The following BANP variants were observed in gnomAD, a reference collection of about 807,000 sequenced individuals.
BANP encodes protein BANP.
A neutral mutation model predicts 68.1 loss-of-function variants in BANP; 11 were observed. That is an observed-to-expected ratio of 0.16 (90% confidence interval 0.10 to 0.27). The LOEUF (loss-of-function observed/expected upper bound fraction) is 0.27. Ranked by LOEUF, BANP falls within the 10% of genes least tolerant of loss-of-function variation. BANP has a pLI of 1.00. For missense variants in BANP, 504 were observed against 722.7 expected (o/e 0.70, Z 3.47); for synonymous variants, 329 against 303.2 (o/e 1.09, Z -0.88).
intron 8 of BANP, 87 bp from the exon 9 acceptor site, chr16:88,033,022 A>C: frequency 2.2e-6 from 3 of 1,378,158 alleles, no homozygotes; most frequent in Non-Finnish European, 2.9e-6. Context: ...GGGAGTCGAC[A>C]GTGGGGGACG....
intron 6 of BANP, among the ~76,000 whole-genome samples, chr16:88,016,184 T>C (rs2074509375): frequency 6.6e-6 from 1 of 152,156 alleles, no homozygotes; most frequent in Admixed American, 6.5e-5. Flanking sequence ...TGTGGCATGG[T>C]TTAAGGTCAG....
At chr16:87,954,798 T>G (rs1291006778) in intron 1 of BANP, among the ~76,000 whole-genome samples, 2 of 152,246 alleles carry the variant, frequency 1.3e-5, no homozygotes, top group Non-Finnish European at 2.9e-5. Flanking sequence ...TAACACCCTA[T>G]TAAAGATGAT....
chr16:88,056,503 A>G (rs1355849796), intron 11 of BANP, among the ~76,000 whole-genome samples: 2 of 149,680 alleles, frequency 1.3e-5, no homozygotes, highest in African/African-American at 5.0e-5. Context: ...TGAAATGATG[A>G]CTGAAATGTA....
intron 8 of BANP, among the ~76,000 whole-genome samples, chr16:88,030,692 G>C (rs781556052): frequency 2.6e-5 from 4 of 152,220 alleles, no homozygotes; most frequent in African/African-American, 9.6e-5. Flanking sequence ...GTGCAACAGC[G>C]TGTGAAGCCG....
chr16:87,981,748 G>A (rs2063321869), intron 3 of BANP, among the ~76,000 whole-genome samples: 1 of 152,216 alleles, frequency 6.6e-6, no homozygotes, highest in South Asian at 2.1e-4. Flanking sequence ...TTGGATGGAA[G>A]GAAAGTGAAG....
Position 87,985,699 on chromosome 16 carries a change from C to T in BANP, c.362+1440C>T, listed in dbSNP as rs193214836. Among the ~76,000 whole-genome samples the T allele has an allele frequency of 3.2e-4, 48 of 152,272 alleles. No individual in the cohort carries two copies. The East Asian group carries it at 8.1e-3, about 26-fold the overall frequency. ...TGATGATGGTTGGCTGTGAAAAAGC[C>T]GGACGTCCCACCTGGTATGTTGCGT... On this transcript the variant is annotated intron_variant, in intron 4 of 13. Coordinates refer to ENST00000682872, the MANE Select transcript of BANP (RefSeq NM_001386991.1).
rs370401928 is a variant in BANP, at chr16:88,027,901, C to G, written c.1063+251C>G. Reference sequence around the variant, plus strand: ...GGGACAGAGGGCCTGTTGGGCCTCCCGGAAGTCTTCTGGATGGGGGCAAGG... The same window carrying G: ...GGGACAGAGGGCCTGTTGGGCCTCCGGGAAGTCTTCTGGATGGGGGCAAGG... On this transcript the variant is annotated intron_variant, in intron 8 of 13. Transcript: ENST00000682872. Among the ~76,000 whole-genome samples, 182 of 152,362 alleles carry G rather than the reference C, an allele frequency of 1.2e-3. 1 individual carries two copies. The highest frequency in any genetic ancestry group is 4.3e-3 in the African/African-American group (180 of 41,594).
chr16:87,966,325 C>G (rs935185699), intron 1 of BANP, among the ~76,000 whole-genome samples: 4 of 152,156 alleles, frequency 2.6e-5, no homozygotes, highest in Non-Finnish European at 5.9e-5. Flanking sequence ...TCTGAATAGT[C>G]GTCAGAGTAA....
intron 11 of BANP, among the ~76,000 whole-genome samples, chr16:88,055,203 A>G (rs771342275): frequency 1.3e-5 from 2 of 152,122 alleles, no homozygotes; most frequent in Non-Finnish European, 2.9e-5. Context: ...AGGCTAAACA[A>G]TGTGAAATCA....
intron 4 of BANP, among the ~76,000 whole-genome samples, chr16:87,986,035 T>C (rs1323114340): frequency 1.3e-5 from 2 of 152,196 alleles, no homozygotes; most frequent in African/African-American, 4.8e-5. Context: ...AGAGTTTTTG[T>C]TGGGTGAGAC....
intron 2 of BANP, chr16:87,978,447 G>T: frequency 2.9e-6 from 1 of 349,566 alleles, no homozygotes; most frequent in Non-Finnish European, 5.8e-6. Context: ...CAGGCCTTGT[G>T]TGATGACCGG....
Position 88,048,134 on chromosome 16 carries a change from A to G in BANP, c.1311+10123A>G, listed in dbSNP as rs1567866168. On this transcript the variant is annotated intron_variant, in intron 11 of 13. Transcript: ENST00000682872. ...AGTTTTTCAATTTGGACACTGAAAT[A>G]TGAGTAGAATTTTGGTATATCATAT... Among the ~76,000 whole-genome samples, 3 of 152,374 alleles carry G rather than the reference A, an allele frequency of 2.0e-5. No individual in the cohort carries two copies. In the East Asian group the frequency reaches 5.8e-4, roughly 29 times the overall value.
intron 4 of BANP, among the ~76,000 whole-genome samples, chr16:87,999,187 C>T (rs1277801066): frequency 1.4e-5 from 2 of 139,516 alleles, no homozygotes; most frequent in Non-Finnish European, 3.1e-5. Context: ...CATGCCCGCA[C>T]GTGCGCGGCT....
At chr16:88,022,179 C>T (rs746546189) in intron 7 of BANP, among the ~76,000 whole-genome samples, 1 of 152,212 alleles carries the variant, frequency 6.6e-6, no homozygotes, top group Non-Finnish European at 1.5e-5. Context: ...CAGCAGCATT[C>T]GCCTGTTTTC....
chr16:88,058,726 TAAG>T (rs71156290), intron 11 of BANP, among the ~76,000 whole-genome samples: 41,307 of 151,948 alleles, frequency 0.27, 6,990 homozygotes, highest in Non-Finnish European at 0.4. Flanking sequence ...AGGTTGTAAT[TAAG>T]AAGCAACTCG....
At chr16:88,073,794 C>G (rs1286557835) in intron 13 of BANP, among the ~76,000 whole-genome samples, 1 of 152,244 alleles carries the variant, frequency 6.6e-6, no homozygotes, top group African/African-American at 2.4e-5. Context: ...AGTTTCTGGT[C>G]ATTTTCCGAT....
At chr16:88,061,595 G>A (rs60117049) in intron 11 of BANP, among the ~76,000 whole-genome samples, 33,904 of 152,148 alleles carry the variant, frequency 0.22, 4,201 homozygotes, top group East Asian at 0.47. Flanking sequence ...TTGTAGGAAC[G>A]TAGGAGAAAG....
chr16:88,054,004 A>G (rs1457933964), intron 11 of BANP, among the ~76,000 whole-genome samples: 23 of 90,976 alleles, frequency 2.5e-4, no homozygotes, highest in South Asian at 2.0e-3. Context: ...CACCAACACA[A>G]CCACCTTTAC....
intron 4 of BANP, among the ~76,000 whole-genome samples, chr16:87,986,979 A>G (rs1205660576): frequency 6.6e-6 from 1 of 152,250 alleles, no homozygotes. Context: ...GATTAATAGA[A>G]GAATCGTTCT....
Sources: gnomAD v4.1 joint callset for allele counts (sites outside exome capture counted in the v4.1 genomes callset) on GRCh38, gnomAD v4.1.1 for gene constraint, MANE v1.5 for transcripts, NCBI Gene and HGNC (gene_info 2026-07-23, HGNC 2026-07-21) for gene names.